The following DNAH12 variants were observed in gnomAD, a reference collection of about 807,000 sequenced individuals.
DNAH12 encodes axonemal beta dynein heavy chain 12.
A neutral mutation model predicts 371.5 loss-of-function variants in DNAH12; 285 were observed. The ratio of observed to expected loss-of-function variants is 0.77; its 90% CI spans 0.70 to 0.85. The LOEUF (loss-of-function observed/expected upper bound fraction) is 0.85. DNAH12 is among the 40% of genes least tolerant of loss of function. DNAH12 has a pLI of 0.00. For synonymous variants in DNAH12, 1,200 were observed against 1,213.0 expected, an observed-to-expected ratio of 0.99 and a Z score of 0.22; for missense variants, 3,611 against 3,689.4, an observed-to-expected ratio of 0.98 and a Z score of 0.55.
chr3:57,326,081 G>T (rs1172656467), intron 62 of DNAH12, among the ~76,000 whole-genome samples: 1 of 152,116 alleles, frequency 6.6e-6, no homozygotes, highest in African/African-American at 2.4e-5. Context: ...ATCTACGTCT[G>T]ATTGGTGTAC....
the DNAH12 span, among the ~76,000 whole-genome samples, chr3:57,552,200 AC>A: frequency 1.3e-5 from 2 of 150,556 alleles, no homozygotes; most frequent in African/African-American, 4.9e-5. Context: ...AGCCGAGATC[AC>A]GCCACTGCAC....
intron 55 of DNAH12, among the ~76,000 whole-genome samples, chr3:57,371,775 AAAGATACATT>A (rs1455008410): frequency 0.31 from 46,561 of 151,060 alleles, 8,471 homozygotes; most frequent in Non-Finnish European, 0.42. Context: ...AGAGGGAAAA[AAAGATACATT>A]ACATAAAGAG....
At chr3:57,335,115 T>C (rs1022849287) in intron 60 of DNAH12, among the ~76,000 whole-genome samples, 175 bp from the exon 61 acceptor site, 4 of 152,226 alleles carry the variant, frequency 2.6e-5, no homozygotes, top group Non-Finnish European at 5.9e-5. Context: ...AATTGTTCAA[T>C]AGCCAGTGCA....
At chr3:57,506,972 G>A (rs980085820) in intron 8 of DNAH12, among the ~76,000 whole-genome samples, 2 of 151,512 alleles carry the variant, frequency 1.3e-5, no homozygotes, top group Non-Finnish European at 1.5e-5. Flanking sequence ...CCTCTTAAGA[G>A]GGTAAAGGTA....
At chr3:57,395,151 T>C (rs879155273) in intron 43 of DNAH12, among the ~76,000 whole-genome samples, 82,245 of 151,996 alleles carry the variant, frequency 0.54, 22,475 homozygotes, top group East Asian at 0.62. Context: ...TGTATCAATA[T>C]AGTAAAATAC....
chr3:57,450,131 C>A (rs1184518113), intron 25 of DNAH12, among the ~76,000 whole-genome samples: 1 of 151,858 alleles, frequency 6.6e-6, no homozygotes, highest in African/African-American at 2.4e-5. Flanking sequence ...GCCTGTAATC[C>A]CAGCTATTTG....
chr3:57,356,124 A>G (rs950482818), intron 59 of DNAH12, among the ~76,000 whole-genome samples: 98,947 of 151,976 alleles, frequency 0.65, 32,880 homozygotes, highest in Non-Finnish European at 0.74. Flanking sequence ...TTAAGTGATT[A>G]AAGTGCAAAT....
chr3:57,468,939 T>C lies in DNAH12; in HGVS notation c.2146A>G (p.Met716Val). The part of the protein sequence containing the change: ...GGFLDLNGES[M>V]EADVEEFSRE... ...GAAAACTCTTCCACATCAGCCTCCA[T>C]GCTTTCCCCATTGAGGTCCAAAAAC... The change falls in exon 17 of 74, where the codon ATG (methionine) becomes GTG (valine). Residue 716 changes from methionine (M) to valine (V), a missense_variant. By Grantham distance (21) the Met-to-Val change is conservative. Around this residue, in one of 3 missense-constraint regions of DNAH12, gnomAD observed 1,314 missense variants for 1,398.7 expected, o/e 0.94. Coordinates refer to ENST00000495027, the MANE Select transcript of DNAH12 (RefSeq NM_001366028.2). The C allele has an allele frequency of 2.0e-6, 3 of 1,512,070 alleles. No homozygotes were observed. Among genetic ancestry groups the C allele is most frequent in the South Asian group, 2.6e-5 (2 of 76,060 alleles). 93.7% of individuals were successfully genotyped at this position (1,512,070 alleles called of 1,614,324 possible). A position where few individuals can be genotyped will look rare whatever the true frequency, so the allele number is the denominator to read the frequency against.
chr3:57,404,087 G>C (rs2063951989), intron 42 of DNAH12, among the ~76,000 whole-genome samples: 1 of 152,118 alleles, frequency 6.6e-6, no homozygotes, highest in Non-Finnish European at 1.5e-5. Context: ...ACTATGACAT[G>C]ATAATCCCAC....
At chr3:57,442,274 G>A (rs887206662) in intron 29 of DNAH12, among the ~76,000 whole-genome samples, 1 of 121,890 alleles carries the variant, frequency 8.2e-6, no homozygotes, top group African/African-American at 2.6e-5. Flanking sequence ...AAAGGGTAGC[G>A]TAAGAGGCTT....
intron 69 of DNAH12, among the ~76,000 whole-genome samples, chr3:57,303,205 G>A (rs898215197): frequency 3.3e-5 from 5 of 151,472 alleles, no homozygotes; most frequent in African/African-American, 1.2e-4. Flanking sequence ...CAGTCGTGGT[G>A]GTGGGCGCCT....
chr3:57,461,327 C>A (rs996036898), intron 19 of DNAH12, among the ~76,000 whole-genome samples, 162 bp downstream of exon 19: 2 of 151,930 alleles, frequency 1.3e-5, no homozygotes, highest in African/African-American at 2.4e-5. Context: ...TTTTGAATAT[C>A]ATTTTGTATT....
intron 32 of DNAH12, among the ~76,000 whole-genome samples, chr3:57,432,471 C>T (rs562189489): frequency 1.8e-4 from 28 of 151,614 alleles, no homozygotes; most frequent in African/African-American, 6.0e-4. Context: ...TGAGCCACCG[C>T]GCCCGGCCTT....
the DNAH12 span, among the ~76,000 whole-genome samples, chr3:57,554,397 G>A: frequency 6.6e-6 from 1 of 151,378 alleles, no homozygotes; most frequent in Non-Finnish European, 1.5e-5. Context: ...CCCCTTTCAA[G>A]AAAATGAAAA....
chr3:57,356,843 G>A (rs2062813031), intron 59 of DNAH12, among the ~76,000 whole-genome samples: 1 of 151,948 alleles, frequency 6.6e-6, no homozygotes, highest in African/African-American at 2.4e-5. Flanking sequence ...GAGTTCAAGC[G>A]ATTCTCCTCC....
rs1054078826 is a variant in DNAH12, at chr3:57,305,665, C to T, written c.11189+3486G>A. ...GGCAACCCTGAGACGCTTTACAGCC[C>T]TAGACCCTAAAAGGTCAAAAGGCCG... On this transcript the variant is annotated intron_variant, in intron 69 of 73. Coordinates refer to ENST00000495027, the MANE Select transcript of DNAH12 (RefSeq NM_001366028.2). Among the ~76,000 whole-genome samples the T allele has an allele frequency of 1.2e-4, 19 of 152,242 alleles. No individual in the cohort carries two copies. In the East Asian group the frequency reaches 3.7e-3, roughly 29 times the overall value.
chr3:57,554,459 A>G, the DNAH12 span, among the ~76,000 whole-genome samples: 2 of 152,186 alleles, frequency 1.3e-5, no homozygotes, highest in East Asian at 3.9e-4. Flanking sequence ...CCCTCTTAGA[A>G]GAAATCCAGA....
chr3:57,405,136 T>G lies in DNAH12; in HGVS notation c.6588A>C (p.Glu2196Asp). ...LRKQNAPVTE[E>D]DLRNLMFGDY... ...CACCAAACATGAGATTTCTTAAGTC[T>G]TCTTCAGTTACCTATAGAAAGGAAA... The change falls in exon 42 of 74, where the codon GAA becomes GAC. Residue 2196 changes from glutamate to aspartate, a missense_variant. This residue lies in a region of DNAH12 where 2,266 missense variants were observed against 2,236.9 expected (regional missense o/e 1.01). Coordinates refer to ENST00000495027, the MANE Select transcript of DNAH12 (RefSeq NM_001366028.2). The G allele has an allele frequency of 6.5e-7, 1 of 1,532,308 alleles. No homozygotes were observed. The highest frequency in any genetic ancestry group is 8.8e-7 in the Non-Finnish European group (1 of 1,141,874). The allele number at this position is 1,532,308 out of a possible 1,614,324, so 94.9% of individuals were successfully genotyped here.
chr3:57,449,647 GC>G (rs2065681934), intron 25 of DNAH12, among the ~76,000 whole-genome samples: 2 of 152,296 alleles, frequency 1.3e-5, no homozygotes, highest in South Asian at 2.1e-4. Context: ...AGAGTGCGGG[GC>G]CCGCCAAGCC....
Sources: gnomAD v4.1 joint callset for allele counts (sites outside exome capture counted in the v4.1 genomes callset) on GRCh38, gnomAD v4.1.1 for gene constraint, gnomAD v4.1.1 regional missense constraint, MANE v1.5 for transcripts, NCBI Gene and HGNC (gene_info 2026-07-23, HGNC 2026-07-21) for gene names.